EPM2A: variants seen among roughly 807,000 people sequenced by gnomAD.
EPM2A encodes laforin.
EPM2A carries 21 observed loss-of-function variants against 26.5 expected under a neutral mutation model. The ratio of observed to expected loss-of-function variants is 0.79; its 90% CI spans 0.56 to 1.14. The LOEUF is 1.14. Ranked by LOEUF, EPM2A falls within the 50% of genes most tolerant of loss-of-function variation. The pLI is 0.00. For missense variants in EPM2A, 458 were observed against 440.8 expected (o/e 1.04, Z -0.35); for synonymous variants, 217 against 177.6 (o/e 1.22, Z -1.76).
chr6:145,557,526 G>T (rs1780745328), intron 2 of EPM2A, among the ~76,000 whole-genome samples: 2 of 152,002 alleles, frequency 1.3e-5, no homozygotes, highest in African/African-American at 4.8e-5. Flanking sequence ...CCAAAATTGT[G>T]ATTCTACATG....
chr6:145,484,867 T>A (rs1359975732), intron 4 of EPM2A, among the ~76,000 whole-genome samples: 1 of 151,566 alleles, frequency 6.6e-6, no homozygotes, highest in Admixed American at 6.6e-5. Flanking sequence ...TGATAAAGAC[T>A]AAGGCAGTCC....
intron 2 of EPM2A, among the ~76,000 whole-genome samples, chr6:145,601,869 C>T (rs912091259): frequency 6.6e-6 from 1 of 151,958 alleles, no homozygotes; most frequent in Admixed American, 6.6e-5. Context: ...ATTATAGGCG[C>T]CTCTTTTAAG....
chr6:145,526,390 A>G (rs1162805363), intron 2 of EPM2A, among the ~76,000 whole-genome samples: 1 of 152,100 alleles, frequency 6.6e-6, no homozygotes, highest in Non-Finnish European at 1.5e-5. Context: ...GTCTAGTAGA[A>G]TTCAGTTGTG....
At chr6:145,519,296 A>G (rs1780172834) in intron 2 of EPM2A, among the ~76,000 whole-genome samples, 1 of 152,182 alleles carries the variant, frequency 6.6e-6, no homozygotes, top group African/African-American at 2.4e-5. Flanking sequence ...TTGATGCACC[A>G]TGGATATTTA....
At chr6:145,717,006 C>G (rs990401060) in intron 1 of EPM2A, among the ~76,000 whole-genome samples, 1 of 152,120 alleles carries the variant, frequency 6.6e-6, no homozygotes, top group African/African-American at 2.4e-5. Flanking sequence ...CTTTCTTCCT[C>G]CTGAATTCCC....
intron 4 of EPM2A, among the ~76,000 whole-genome samples, chr6:145,403,770 A>G (rs1304181714): frequency 1.3e-5 from 2 of 152,062 alleles, no homozygotes; most frequent in Admixed American, 6.6e-5. Flanking sequence ...TTTCTTTTGT[A>G]TATATACCCA....
intron 1 of EPM2A, among the ~76,000 whole-genome samples, chr6:145,724,912 A>G (rs12195987): frequency 0.067 from 10,256 of 152,016 alleles, 457 homozygotes; most frequent in South Asian, 0.11. Context: ...GAAAAACTAG[A>G]CGCCCTTGGA....
upstream of EPM2A, chr6:145,735,545 C>T (rs111332144): frequency 0.5 from 575,937 of 1,144,392 alleles, 147,361 homozygotes; most frequent in Admixed American, 0.53. Context: ...TCCCCGCGGC[C>T]GGCAGGCGCG....
intron 4 of EPM2A, among the ~76,000 whole-genome samples, chr6:145,396,900 G>T (rs1778412605): frequency 6.6e-6 from 1 of 152,112 alleles, no homozygotes; most frequent in Admixed American, 6.6e-5. Context: ...ACAGATAGGG[G>T]AGCTCATTTT....
intron 2 of EPM2A, among the ~76,000 whole-genome samples, chr6:145,681,021 GT>G (rs1307060833): frequency 4.0e-5 from 6 of 151,840 alleles, no homozygotes; most frequent in African/African-American, 1.5e-4. Context: ...GTGTAAAAGT[GT>G]TCCTATTTCT....
At chr6:145,488,807 C>A (rs979431269) in intron 4 of EPM2A, among the ~76,000 whole-genome samples, 1 of 151,940 alleles carries the variant, frequency 6.6e-6, no homozygotes, top group African/African-American at 2.4e-5. Context: ...GTGCAACTTT[C>A]AATCAAAATA....
chr6:145,713,933 C>T (rs1304991912), intron 1 of EPM2A, among the ~76,000 whole-genome samples: 3 of 152,132 alleles, frequency 2.0e-5, no homozygotes, highest in Non-Finnish European at 2.9e-5. Context: ...TGCTACAACA[C>T]GTACAAACCC....
intron 2 of EPM2A, among the ~76,000 whole-genome samples, chr6:145,542,066 C>T (rs1780519982): frequency 6.6e-6 from 1 of 151,722 alleles, no homozygotes; most frequent in African/African-American, 2.4e-5. Flanking sequence ...CATTATCAGA[C>T]TACAATATAA....
intron 4 of EPM2A, among the ~76,000 whole-genome samples, chr6:145,401,780 T>G (rs977357842): frequency 6.6e-6 from 1 of 152,084 alleles, no homozygotes; most frequent in Non-Finnish European, 1.5e-5. Context: ...GCTTAAAGAA[T>G]GATCATGGCA....
chr6:145,426,019 A>C (rs1318700139), intron 4 of EPM2A, among the ~76,000 whole-genome samples: 1 of 152,238 alleles, frequency 6.6e-6, no homozygotes, highest in African/African-American at 2.4e-5. Context: ...TAAAATCTTT[A>C]TACAATTTTT....
chr6:145,615,944 T>G (rs1407136907), intron 2 of EPM2A, among the ~76,000 whole-genome samples: 1 of 152,226 alleles, frequency 6.6e-6, no homozygotes, highest in African/African-American at 2.4e-5. Context: ...CATAAAAGTT[T>G]GGAAAATTTG....
At chr6:145,625,134 C>T (rs540735944), downstream of EPM2A, among the ~76,000 whole-genome samples, 952 of 152,220 alleles carry the variant, frequency 6.3e-3, 7 homozygotes, top group Non-Finnish European at 0.01. Context: ...CCTTTGACTT[C>T]CTTTATCATG....
intron 4 of EPM2A, among the ~76,000 whole-genome samples, chr6:145,448,116 G>C (rs907676254): frequency 6.6e-6 from 1 of 152,108 alleles, no homozygotes; most frequent in Non-Finnish European, 1.5e-5. Context: ...AAGGGCACAA[G>C]AGTAGTGATT....
At chr6:145,678,033 A>G (rs1229116589) in intron 2 of EPM2A, among the ~76,000 whole-genome samples, 1 of 152,192 alleles carries the variant, frequency 6.6e-6, no homozygotes, top group Non-Finnish European at 1.5e-5. Context: ...AAACTATACT[A>G]CAAGGCTACA....
Sources: allele counts gnomAD v4.1 joint callset (sites outside exome capture counted in the v4.1 genomes callset), GRCh38; gene constraint gnomAD v4.1.1; transcripts MANE v1.5; gene names NCBI Gene and HGNC (gene_info 2026-07-23, HGNC 2026-07-21).